The following KCNN2 variants were observed in gnomAD, a reference collection of about 807,000 sequenced individuals.
KCNN2 encodes small conductance calcium-activated potassium channel protein 2.
KCNN2 carries 24 observed loss-of-function variants against 55.5 expected under a neutral mutation model. The observed-to-expected ratio is 0.43, with a 90% CI of 0.31 to 0.61. KCNN2 has a LOEUF of 0.61. Ranked by LOEUF, KCNN2 falls within the 20% of genes least tolerant of loss-of-function variation. The probability of loss-of-function intolerance (pLI) is 0.08; values close to 1 mark genes in which losing one functional copy is unlikely to be tolerated. For missense variants in KCNN2, 754 were observed against 853.6 expected (o/e 0.88, Z 1.45); for synonymous variants, 431 against 336.1 (o/e 1.28, Z -3.09).
intron 1 of KCNN2, among the ~76,000 whole-genome samples, chr5:114,060,198 C>T (rs761267622): frequency 3.9e-5 from 6 of 152,254 alleles, no homozygotes; most frequent in Non-Finnish European, 7.3e-5. Context: ...CTCTGCAATG[C>T]CCTCTTGGTA....
chr5:114,375,599 C>T (rs1757905761), intron 2 of KCNN2, among the ~76,000 whole-genome samples: 2 of 151,972 alleles, frequency 1.3e-5, no homozygotes, highest in African/African-American at 2.4e-5. Context: ...GGTTTAAAAC[C>T]TTTAGCTTAC....
chr5:114,232,925 G>GTTTTTTGT (rs1554076023), intron 2 of KCNN2, among the ~76,000 whole-genome samples: 1 of 76,280 alleles, frequency 1.3e-5, no homozygotes, highest in African/African-American at 4.6e-5. Flanking sequence ...ATTGTTTCTT[G>GTTTTTTGT]TTTTTTTTTT....
intron 2 of KCNN2, among the ~76,000 whole-genome samples, chr5:114,256,682 T>C (rs1754989507): frequency 6.6e-6 from 1 of 152,160 alleles, no homozygotes; most frequent in Non-Finnish European, 1.5e-5. Flanking sequence ...CCTTGAAAAG[T>C]GTCTGTTCAT....
Position 114,496,011 on chromosome 5 carries a change from C to T in KCNN2, c.2205C>T (p.Ala735=), listed in dbSNP as rs773852481. 3.7e-6 allele frequency: 6 copies of T among 1,614,032 alleles called. No individual in the cohort carries two copies. Among genetic ancestry groups the T allele is most frequent in the Non-Finnish European group, 5.1e-6 (6 of 1,179,974 alleles). Residue 735 remains alanine (A), a synonymous_variant, in exon 8 of 8, where the codon GCC becomes GCT. Transcript: ENST00000673685. ...KLETLIGSIH[A]LPGLISQTIR... ...AGACTTTGATTGGTAGCATCCACGCCCTCCCTGGGCTCATAAGCCAGACCA... is the reference window on the plus strand; with the variant it reads ...AGACTTTGATTGGTAGCATCCACGCTCTCCCTGGGCTCATAAGCCAGACCA...
rs114426618 is a variant in KCNN2, at chr5:114,411,545, C to A, written c.1637+6689C>A. Among the ~76,000 whole-genome samples, 868 of 152,154 alleles carry A rather than the reference C, an allele frequency of 5.7e-3. 8 individuals are homozygous for A. Among genetic ancestry groups the A allele is most frequent in the African/African-American group, 0.02 (834 of 41,504 alleles). On this transcript the variant is annotated intron_variant, in intron 3 of 7. Coordinates refer to ENST00000673685, the MANE Select transcript of KCNN2 (RefSeq NM_021614.4). ...GTCCAAAGCTGAAGGCCTGTGAATCCAAAGAGATGCAGGTGCAAGTCCTAG... is the reference window on the plus strand; with the variant it reads ...GTCCAAAGCTGAAGGCCTGTGAATCAAAAGAGATGCAGGTGCAAGTCCTAG...
chr5:114,228,081 T>A (rs1580639204), intron 2 of KCNN2, among the ~76,000 whole-genome samples: 1 of 152,202 alleles, frequency 6.6e-6, no homozygotes. Context: ...TGAATTCCCA[T>A]TGATGAATGC....
At chr5:114,266,453 G>C (rs1755209035) in intron 2 of KCNN2, among the ~76,000 whole-genome samples, 1 of 152,184 alleles carries the variant, frequency 6.6e-6, no homozygotes. Context: ...GTCAGGACAA[G>C]CTGCTTGGGA....
At chr5:114,414,295 A>C (rs1016250904) in intron 3 of KCNN2, among the ~76,000 whole-genome samples, 4 of 152,146 alleles carry the variant, frequency 2.6e-5, no homozygotes, top group Admixed American at 2.0e-4. Flanking sequence ...ACCTTAGTCC[A>C]TGTTAATGGA....
intron 5 of KCNN2, among the ~76,000 whole-genome samples, chr5:114,477,457 G>A (rs1184818518): frequency 6.6e-6 from 1 of 152,102 alleles, no homozygotes; most frequent in African/African-American, 2.4e-5. Context: ...GCACTGAGAA[G>A]ATTGTTTTGT....
At chr5:114,103,429 C>G (rs554643125) in intron 1 of KCNN2, among the ~76,000 whole-genome samples, 1 of 152,052 alleles carries the variant, frequency 6.6e-6, no homozygotes, top group African/African-American at 2.4e-5. Context: ...CTTTCTCTTG[C>G]CTGATTACCC....
chr5:114,372,136 A>C (rs1290286497), intron 2 of KCNN2, among the ~76,000 whole-genome samples: 1 of 152,194 alleles, frequency 6.6e-6, no homozygotes, highest in East Asian at 1.9e-4. Context: ...TGGAATTGGC[A>C]AGACTCCAGC....
chr5:114,380,425 A>G (rs553300623), intron 2 of KCNN2, among the ~76,000 whole-genome samples: 72 of 152,296 alleles, frequency 4.7e-4, no homozygotes, highest in African/African-American at 1.7e-3. Flanking sequence ...CCTGCAGTTC[A>G]ATACAGAGCT....
chr5:114,478,421 G>A (rs2150129331), intron 5 of KCNN2, among the ~76,000 whole-genome samples: 1 of 152,048 alleles, frequency 6.6e-6, no homozygotes, highest in South Asian at 2.1e-4. Context: ...ACATACAACT[G>A]ATTGGGGTAC....
chr5:114,271,966 T>C (rs1257528590), intron 2 of KCNN2, among the ~76,000 whole-genome samples: 2 of 152,194 alleles, frequency 1.3e-5, no homozygotes, highest in Non-Finnish European at 2.9e-5. Flanking sequence ...GTAAAGCTCT[T>C]AGTGCAGTAT....
chr5:114,422,683 C>T (rs1431385980), intron 3 of KCNN2, among the ~76,000 whole-genome samples: 2 of 152,126 alleles, frequency 1.3e-5, no homozygotes, highest in African/African-American at 2.4e-5. Flanking sequence ...ATTTAAGTGT[C>T]GTCTTTTAAA....
intron 1 of KCNN2, among the ~76,000 whole-genome samples, chr5:114,137,869 G>A (rs1274208468): frequency 6.6e-6 from 1 of 152,154 alleles, no homozygotes; most frequent in Admixed American, 6.6e-5. Flanking sequence ...ACAATAGGAA[G>A]TGTAATTATG....
intron 2 of KCNN2, among the ~76,000 whole-genome samples, chr5:114,320,711 G>A (rs899544066): frequency 6.6e-6 from 1 of 152,072 alleles, no homozygotes; most frequent in Non-Finnish European, 1.5e-5. Context: ...GAGGGGTAGG[G>A]TGCATGGTTT....
intron 2 of KCNN2, among the ~76,000 whole-genome samples, chr5:114,302,797 C>T (rs1254927707): frequency 6.6e-6 from 1 of 152,102 alleles, no homozygotes; most frequent in African/African-American, 2.4e-5. Flanking sequence ...TGAAGTGCCT[C>T]AATCATATAG....
chr5:114,254,907 A>C (rs1167730632), intron 2 of KCNN2, among the ~76,000 whole-genome samples: 1 of 152,068 alleles, frequency 6.6e-6, no homozygotes, highest in Non-Finnish European at 1.5e-5. Flanking sequence ...GAATGATCTG[A>C]GGCTTGTATT....
Sources: gnomAD v4.1 joint callset for allele counts (sites outside exome capture counted in the v4.1 genomes callset) on GRCh38, gnomAD v4.1.1 for gene constraint, MANE v1.5 for transcripts, NCBI Gene and HGNC (gene_info 2026-07-23, HGNC 2026-07-21) for gene names.